MEIS2: variants seen among roughly 807,000 people sequenced by gnomAD.
MEIS2 encodes homeobox protein Meis2.
Under a neutral mutation model 58.6 loss-of-function variants are expected in MEIS2, and 9 were observed. That is an observed-to-expected ratio of 0.15 (90% CI 0.09 to 0.27). The LOEUF (loss-of-function observed/expected upper bound fraction) is 0.27. Among genes scored for constraint, MEIS2 ranks in the 10% least tolerant of loss-of-function variants. The pLI is 1.00. For synonymous variants in MEIS2, 221 were observed against 228.4 expected, an observed-to-expected ratio of 0.97 and a Z score of 0.29; for missense variants, 427 against 635.0, an observed-to-expected ratio of 0.67 and a Z score of 3.52.
intron 8 of MEIS2, among the ~76,000 whole-genome samples, chr15:36,973,593 T>C (rs990743733): frequency 1.3e-5 from 2 of 152,218 alleles, no homozygotes; most frequent in Non-Finnish European, 2.9e-5. Flanking sequence ...CGTTCATCTA[T>C]TTTAAATTAT....
At chr15:37,047,199 T>A (rs1023424278) in intron 7 of MEIS2, among the ~76,000 whole-genome samples, 10 of 152,148 alleles carry the variant, frequency 6.6e-5, no homozygotes, top group African/African-American at 2.4e-4. Context: ...CAGTTAACAC[T>A]CATATTTTAT....
chr15:36,989,187 T>C (rs568036397), intron 8 of MEIS2, among the ~76,000 whole-genome samples: 1 of 152,182 alleles, frequency 6.6e-6, no homozygotes, highest in Non-Finnish European at 1.5e-5. Flanking sequence ...TCATGTTCTT[T>C]GAGAGTTAAC....
At chr15:37,026,996 G>A (rs2061729796) in intron 8 of MEIS2, among the ~76,000 whole-genome samples, 1 of 152,148 alleles carries the variant, frequency 6.6e-6, no homozygotes, top group African/African-American at 2.4e-5. Flanking sequence ...TTACTATTAT[G>A]TTTTAAGAGG....
At chr15:37,073,531 A>T (rs369275384) in intron 7 of MEIS2, among the ~76,000 whole-genome samples, 35 of 152,034 alleles carry the variant, frequency 2.3e-4, no homozygotes, top group African/African-American at 8.2e-4. Flanking sequence ...AACAGCCTAC[A>T]CTAAGAAGAG....
intron 8 of MEIS2, 79 bp from the exon 9 acceptor site, chr15:36,950,479 T>G: frequency 7.4e-7 from 1 of 1,344,886 alleles, no homozygotes; most frequent in Non-Finnish European, 1.1e-6. Flanking sequence ...AAAACCACCG[T>G]TGGTGATTTC....
intron 9 of MEIS2, among the ~76,000 whole-genome samples, chr15:36,914,516 A>G (rs2057183210): frequency 6.6e-6 from 1 of 152,228 alleles, no homozygotes; most frequent in African/African-American, 2.4e-5. Flanking sequence ...TGAGTTTCCC[A>G]TTTGAAAAGT....
At chr15:37,028,077 CTG>C (rs1408886368) in intron 8 of MEIS2, among the ~76,000 whole-genome samples, 1 of 152,174 alleles carries the variant, frequency 6.6e-6, no homozygotes, top group Admixed American at 6.5e-5. Flanking sequence ...CCTAAAAACT[CTG>C]TGTTCTGCCT....
intron 7 of MEIS2, among the ~76,000 whole-genome samples, chr15:37,073,819 T>C (rs1385897207): frequency 6.6e-6 from 1 of 151,998 alleles, no homozygotes; most frequent in African/African-American, 2.4e-5. Flanking sequence ...TTCAAACTTA[T>C]AAAAAAAGAA....
intron 9 of MEIS2, among the ~76,000 whole-genome samples, chr15:36,945,554 C>T (rs562241360): frequency 1.1e-4 from 16 of 152,094 alleles, no homozygotes; most frequent in Admixed American, 5.9e-4. Context: ...TCTTTTCTCT[C>T]GGCACAGTCC....
At chr15:36,921,995 T>C (rs756919059) in intron 9 of MEIS2, among the ~76,000 whole-genome samples, 1 of 152,212 alleles carries the variant, frequency 6.6e-6, no homozygotes, top group Non-Finnish European at 1.5e-5. Flanking sequence ...TGTTCACTGA[T>C]GTGGACTGAT....
intron 8 of MEIS2, among the ~76,000 whole-genome samples, chr15:36,966,287 C>T (rs1011612953): frequency 1.1e-4 from 17 of 152,172 alleles, no homozygotes; most frequent in Admixed American, 9.8e-4. Flanking sequence ...AGTTCACTTT[C>T]TCATACATAT....
chr15:37,075,865 G>A (rs1891335024), intron 7 of MEIS2, among the ~76,000 whole-genome samples: 1 of 151,952 alleles, frequency 6.6e-6, no homozygotes, highest in South Asian at 2.1e-4. Context: ...GCAGGCAGAA[G>A]AGAAGGACAC....
intron 9 of MEIS2, among the ~76,000 whole-genome samples, chr15:36,923,246 T>G (rs1327642620): frequency 6.6e-6 from 1 of 152,202 alleles, no homozygotes. Context: ...TATAGCAGTT[T>G]TCCAATGATC....
intron 9 of MEIS2, among the ~76,000 whole-genome samples, chr15:36,931,190 T>C (rs2057962947): frequency 6.6e-6 from 1 of 152,136 alleles, no homozygotes. Flanking sequence ...AAATTTGTCA[T>C]CAGCCAAGAG....
At chr15:37,011,490 C>G (rs2061152036) in intron 8 of MEIS2, among the ~76,000 whole-genome samples, 1 of 151,348 alleles carries the variant, frequency 6.6e-6, no homozygotes, top group Admixed American at 6.6e-5. Flanking sequence ...GTGTGTATTA[C>G]TGATAATATG....
intron 8 of MEIS2, among the ~76,000 whole-genome samples, chr15:36,966,347 G>T (rs1335719554): frequency 6.6e-6 from 1 of 152,136 alleles, no homozygotes; most frequent in Non-Finnish European, 1.5e-5. Context: ...TCAGAGAAAT[G>T]GCTCAAGCAT....
intron 8 of MEIS2, among the ~76,000 whole-genome samples, chr15:36,984,389 C>T (rs774445011): frequency 2.6e-5 from 4 of 152,028 alleles, no homozygotes; most frequent in Non-Finnish European, 5.9e-5. Flanking sequence ...TGTTGTATGT[C>T]ACATTTATTG....
intron 7 of MEIS2, among the ~76,000 whole-genome samples, chr15:37,072,401 A>C (rs1266745330): frequency 2.0e-5 from 3 of 152,050 alleles, no homozygotes; most frequent in African/African-American, 7.2e-5. Context: ...TATCACCAGG[A>C]AAGTTTGGTA....
rs2057277310 is a variant in MEIS2, at chr15:36,916,313, A to G, written c.978-19627T>C. On this transcript the variant is annotated intron_variant, in intron 9 of 11. Transcript: ENST00000561208. ...GTGGTGGCGGGCGCCTGCAGTCCCAACTACGCAGGAGGCTGAGGCAAGAGA... is the reference window on the plus strand; with the variant it reads ...GTGGTGGCGGGCGCCTGCAGTCCCAGCTACGCAGGAGGCTGAGGCAAGAGA... Among the ~76,000 whole-genome samples, 5 of 151,834 alleles carry G rather than the reference A, an allele frequency of 3.3e-5. No individual in the cohort carries two copies. The South Asian group carries it at 1.0e-3, about 32-fold the overall frequency.
Sources: allele counts gnomAD v4.1 joint callset (sites outside exome capture counted in the v4.1 genomes callset), GRCh38; gene constraint gnomAD v4.1.1; transcripts MANE v1.5; gene names NCBI Gene and HGNC (gene_info 2026-07-23, HGNC 2026-07-21).